Variants in DCK observed in about 807,000 individuals in gnomAD.
DCK encodes deoxyadenosine kinase.
In DCK, 23 loss-of-function variants were observed where a neutral mutation model predicts 38.3. That is an observed-to-expected ratio of 0.60 (90% CI 0.43 to 0.85). The LOEUF (loss-of-function observed/expected upper bound fraction) is 0.85, where lower values mean the gene tolerates loss of function less well. DCK is among the 40% of genes least tolerant of loss of function. DCK has a pLI of 0.00. For missense variants in DCK, 259 were observed against 304.4 expected, an observed-to-expected ratio of 0.85 and a Z score of 1.11; for synonymous variants, 108 against 100.6, an observed-to-expected ratio of 1.07 and a Z score of -0.44.
At chr4:71,027,435 T>C (rs548074330) in intron 6 of DCK, among the ~76,000 whole-genome samples, 8 of 152,112 alleles carry the variant, frequency 5.3e-5, no homozygotes, top group Non-Finnish European at 1.2e-4. Context: ...ATAAAGGGAA[T>C]GGGTGAGAAT....
chr4:71,025,380 T>C lies in DCK; in HGVS notation c.550-436T>C, dbSNP rs73827078. Among the ~76,000 whole-genome samples the C allele has an allele frequency of 1.8e-3, 272 of 152,206 alleles. 1 individual carries two copies. Among genetic ancestry groups the C allele is most frequent in the African/African-American group, 5.7e-3 (237 of 41,560 alleles). On this transcript the variant is annotated intron_variant, in intron 4 of 6. Transcript: ENST00000286648. ...CAAAGTTGTTTTGGTTGTGCTGATA[T>C]AGAGTTTTCATCACATTAAGAACCA...
chr4:71,028,709 C>T (rs781097002), intron 6 of DCK: 3 of 430,922 alleles, frequency 7.0e-6, no homozygotes, highest in Non-Finnish European at 1.4e-5. Flanking sequence ...AGTTCTGCCT[C>T]AGCCTCCTAA....
At chr4:71,001,133 A>G (rs1433484614) in intron 2 of DCK, among the ~76,000 whole-genome samples, 2 of 152,106 alleles carry the variant, frequency 1.3e-5, no homozygotes, top group East Asian at 3.9e-4. Context: ...GTTTGTCATA[A>G]ATAGCTCTTA....
intron 2 of DCK, among the ~76,000 whole-genome samples, chr4:71,018,748 T>G (rs1740337760): frequency 6.7e-6 from 1 of 149,556 alleles, no homozygotes; most frequent in Non-Finnish European, 1.5e-5. Flanking sequence ...CTTGGCTCAC[T>G]GCAGCCTCCA....
Position 71,022,523 on chromosome 4 carries a change from C to T in DCK, c.364C>T (p.Pro122Ser), listed in dbSNP as rs67437265. ...LNGKLKDAEK[P>S]VLFFERSVYS... is the part of the protein sequence containing the mutation. ...TGGCAAGCTCAAAGATGCAGAGAAA[C>T]CTGTATTATTTTTTGAACGATCTGT... Residue 122 changes from proline to serine, a missense_variant, in exon 3 of 7, where the codon CCT becomes TCT. Physicochemically the swap from Pro to Ser is moderately conservative, Grantham distance 74. This residue lies in a region of DCK where 159 missense variants were observed against 159.0 expected (regional missense o/e 1.00). Coordinates refer to ENST00000286648, the MANE Select transcript of DCK (RefSeq NM_000788.3). 0.014 allele frequency: 22,657 copies of T among 1,595,940 alleles called. 307 individuals are homozygous for T. The highest frequency in any genetic ancestry group is 0.052 in the African/African-American group (3,870 of 73,974).
intron 5 of DCK, among the ~76,000 whole-genome samples, 161 bp downstream of exon 5, chr4:71,026,092 T>G (rs1460811545): frequency 6.6e-6 from 1 of 152,114 alleles, no homozygotes; most frequent in East Asian, 1.9e-4. Flanking sequence ...ATTCTCTTGA[T>G]TGCAATGAGA....
chr4:71,016,410 C>A (rs1560685687), intron 2 of DCK, among the ~76,000 whole-genome samples: 1 of 152,170 alleles, frequency 6.6e-6, no homozygotes, highest in Non-Finnish European at 1.5e-5. Flanking sequence ...CAATGACTTT[C>A]TTCACAGAAT....
intron 2 of DCK, among the ~76,000 whole-genome samples, chr4:71,013,281 G>C (rs1740151480): frequency 6.6e-6 from 1 of 152,228 alleles, no homozygotes; most frequent in Admixed American, 6.5e-5. Context: ...ATCTGCGTCT[G>C]ATTGGTGTAC....
At chr4:71,007,929 G>A (rs1217237773) in intron 2 of DCK, among the ~76,000 whole-genome samples, 1 of 152,130 alleles carries the variant, frequency 6.6e-6, no homozygotes, top group Non-Finnish European at 1.5e-5. Context: ...GTTTTGCCAT[G>A]TTACCCAGGC....
At chr4:71,018,545 T>C (rs991564713) in intron 2 of DCK, among the ~76,000 whole-genome samples, 4 of 152,176 alleles carry the variant, frequency 2.6e-5, no homozygotes, top group African/African-American at 9.7e-5. Context: ...GTTCTACCAA[T>C]TTGTATTTAA....
At chr4:71,004,949 C>G (rs1362116600) in intron 2 of DCK, among the ~76,000 whole-genome samples, 2 of 147,692 alleles carry the variant, frequency 1.4e-5, no homozygotes, top group Non-Finnish European at 2.9e-5. Flanking sequence ...GCTTCAGCCC[C>G]CTTGGCTCCC....
intron 5 of DCK, 46 bp from the exon 6 acceptor site, chr4:71,026,619 T>G: frequency 1.1e-6 from 1 of 931,054 alleles, no homozygotes; most frequent in Non-Finnish European, 1.7e-6. Context: ...TCTCTCTTTT[T>G]TTTGTTGAAT....
At chr4:70,995,676 G>A (rs1049447933) in intron 1 of DCK, among the ~76,000 whole-genome samples, 2 of 152,108 alleles carry the variant, frequency 1.3e-5, no homozygotes, top group African/African-American at 4.8e-5. Context: ...CAGTTAGGTA[G>A]CATCATATTT....
At position 70,998,104 on chromosome 4, in the gene DCK, A is replaced by G. The variant is rs758981631; in HGVS notation, c.129A>G (p.Gln43=). The change falls in exon 2 of 7, where the codon CAA becomes CAG. Residue 43 remains glutamine, a synonymous_variant. Transcript: ENST00000286648. ...CAACATTTGTGAATATCCTTAAACAATTGTGTGAAGATTGGGAAGTGGTTC... is the reference window on the plus strand; with the variant it reads ...CAACATTTGTGAATATCCTTAAACAGTTGTGTGAAGATTGGGAAGTGGTTC... ...GKSTFVNILK[Q]LCEDWEVVPE... 3 of 1,607,842 alleles carry G rather than the reference A, an allele frequency of 1.9e-6. No homozygotes were observed. In the African/African-American group the frequency reaches 4.0e-5, roughly 22 times the overall value.
At chr4:71,000,049 G>A (rs1739763504) in intron 2 of DCK, among the ~76,000 whole-genome samples, 1 of 151,990 alleles carries the variant, frequency 6.6e-6, no homozygotes, top group African/African-American at 2.4e-5. Flanking sequence ...TGTCAGTTTT[G>A]GCTTTTGTTA....
At chr4:71,025,396 T>G (rs1319161841) in intron 4 of DCK, among the ~76,000 whole-genome samples, 1 of 152,094 alleles carries the variant, frequency 6.6e-6, no homozygotes, top group Non-Finnish European at 1.5e-5. Flanking sequence ...TTTCATCACA[T>G]TAAGAACCAC....
intron 2 of DCK, among the ~76,000 whole-genome samples, chr4:71,016,071 C>G (rs1740253996): frequency 6.6e-6 from 1 of 152,180 alleles, no homozygotes; most frequent in Non-Finnish European, 1.5e-5. Flanking sequence ...AGCTGATAAG[C>G]AACTTCAGCA....
intron 2 of DCK, among the ~76,000 whole-genome samples, chr4:71,002,368 A>T (rs888549007): frequency 6.6e-5 from 10 of 152,140 alleles, no homozygotes; most frequent in African/African-American, 2.4e-4. Context: ...TTGCTGAGGA[A>T]TGTTTTACTT....
At chr4:70,994,312 C>G (rs1171019983) in intron 1 of DCK, among the ~76,000 whole-genome samples, 2 of 152,220 alleles carry the variant, frequency 1.3e-5, no homozygotes, top group Non-Finnish European at 2.9e-5. Flanking sequence ...ATGCCTTTTG[C>G]TATCACCATG....
Sources: allele counts gnomAD v4.1 joint callset (sites outside exome capture counted in the v4.1 genomes callset), GRCh38; gene constraint gnomAD v4.1.1; regional missense constraint gnomAD v4.1.1; transcripts MANE v1.5; gene names NCBI Gene and HGNC (gene_info 2026-07-23, HGNC 2026-07-21).